THSD4: variants seen among roughly 807,000 people sequenced by gnomAD.
The protein encoded by THSD4 is thrombospondin type-1 domain-containing protein 4.
THSD4 carries 69 observed loss-of-function variants against 119.0 expected under a neutral mutation model. The observed-to-expected ratio is 0.58, with a 90% confidence interval of 0.48 to 0.71. The LOEUF (loss-of-function observed/expected upper bound fraction) is 0.71. THSD4 is among the 30% of genes least tolerant of loss of function. The pLI, the probability that THSD4 is intolerant of heterozygous loss-of-function variation, is 0.00. For synonymous variants in THSD4, 524 were observed against 540.4 expected (o/e 0.97, Z 0.42); for missense variants, 1,393 against 1,391.1 (o/e 1.00, Z -0.02).
intron 7 of THSD4, among the ~76,000 whole-genome samples, chr15:71,601,028 T>G (rs2050000727): frequency 6.6e-6 from 1 of 152,214 alleles, no homozygotes; most frequent in South Asian, 2.1e-4. Context: ...ATTACAGGCA[T>G]GAGCCACTGT....
At chr15:71,280,455 T>C (rs376424225) in intron 6 of THSD4, among the ~76,000 whole-genome samples, 2 of 152,316 alleles carry the variant, frequency 1.3e-5, no homozygotes, top group East Asian at 1.9e-4. Context: ...AAATAAATAA[T>C]TTGAAAATTT....
chr15:71,468,140 C>T lies in THSD4; in HGVS notation c.1152+56317C>T, dbSNP rs549073369. 3.7e-4 allele frequency among the ~76,000 whole-genome samples: 56 copies of T among 152,332 alleles called. 2 individuals are homozygous for T. The highest frequency in any genetic ancestry group is 1.0e-3 in the African/African-American group (42 of 41,582). On this transcript the variant is annotated intron_variant, in intron 7 of 17. Transcript: ENST00000261862. ...CTGGGATTACAGGCATGAGCCACTGCGCCCAGCCAATCTGATGGTTTTATA... is the reference window on the plus strand; with the variant it reads ...CTGGGATTACAGGCATGAGCCACTGTGCCCAGCCAATCTGATGGTTTTATA...
chr15:71,154,061 C>T (rs2040752725), intron 2 of THSD4, among the ~76,000 whole-genome samples: 1 of 152,170 alleles, frequency 6.6e-6, no homozygotes, highest in African/African-American at 2.4e-5. Flanking sequence ...TCTTAACTTA[C>T]TAACCATGCC....
At chr15:71,746,394 C>A (rs2053337592) in intron 12 of THSD4, among the ~76,000 whole-genome samples, 1 of 151,986 alleles carries the variant, frequency 6.6e-6, no homozygotes, top group South Asian at 2.1e-4. Context: ...TTTTCTTTTT[C>A]TTTTTCTTTT....
chr15:71,713,385 G>A (rs1402691459), intron 8 of THSD4, among the ~76,000 whole-genome samples: 1 of 152,168 alleles, frequency 6.6e-6, no homozygotes, highest in Non-Finnish European at 1.5e-5. Flanking sequence ...GTTGTATGGA[G>A]GTCACTGTGC....
At chr15:71,663,280 T>C (rs1056635426) in intron 8 of THSD4, among the ~76,000 whole-genome samples, 5 of 150,760 alleles carry the variant, frequency 3.3e-5, no homozygotes, top group African/African-American at 1.2e-4. Context: ...AAAAAGTCAA[T>C]GGAGAGGTGA....
At chr15:71,203,230 G>A (rs139715971) in intron 3 of THSD4, among the ~76,000 whole-genome samples, 10 of 152,298 alleles carry the variant, frequency 6.6e-5, no homozygotes, top group Non-Finnish European at 1.2e-4. Context: ...GGAAAGGAAG[G>A]CTGAGGCCAG....
At chr15:71,558,837 T>C (rs1252713469) in intron 7 of THSD4, among the ~76,000 whole-genome samples, 4 of 152,180 alleles carry the variant, frequency 2.6e-5, no homozygotes, top group African/African-American at 9.7e-5. Flanking sequence ...TATTTAATTA[T>C]ATTTTTAAGT....
At chr15:71,348,932 T>G (rs1402715968) in intron 6 of THSD4, among the ~76,000 whole-genome samples, 2 of 152,250 alleles carry the variant, frequency 1.3e-5, no homozygotes, top group African/African-American at 4.8e-5. Context: ...ATTTTTGTTA[T>G]GAAATCTACT....
chr15:71,505,869 A>G (rs1239336234), intron 7 of THSD4, among the ~76,000 whole-genome samples: 3 of 152,260 alleles, frequency 2.0e-5, no homozygotes, highest in Non-Finnish European at 2.9e-5. Flanking sequence ...TTCTCTTTGT[A>G]TAAGCAGAAG....
Position 71,421,339 on chromosome 15 carries a change from TTGTAGGATAGGG to T in THSD4, c.1152+9517_1152+9528del, listed in dbSNP as rs1403120645. ...CTCTTTCTACTCCCTTTAGTATTTC[TTGTAGGATAGGG>T]CTTGTGTTGATAAAATCCCTTAGCT... On this transcript the variant is annotated intron_variant, in intron 7 of 17. Coordinates refer to ENST00000261862, the MANE Select transcript of THSD4 (RefSeq NM_024817.3). Among the ~76,000 whole-genome samples, 182 of 45,724 alleles carry T rather than the reference TTGTAGGATAGGG, an allele frequency of 4.0e-3. 1 individual carries two copies. In the Admixed American group the frequency reaches 0.047, roughly 12 times the overall value. 30.0% of individuals were successfully genotyped at this position (45,724 alleles called of 152,430 possible). A position where few individuals can be genotyped will look rare whatever the true frequency, so the allele number is the denominator to read the frequency against.
At chr15:71,434,281 G>T (rs934608784) in intron 7 of THSD4, among the ~76,000 whole-genome samples, 1 of 151,972 alleles carries the variant, frequency 6.6e-6, no homozygotes, top group Non-Finnish European at 1.5e-5. Context: ...TGTAAACATA[G>T]CATGTAACAC....
At chr15:71,112,662 G>C (rs575495546), upstream of THSD4, among the ~76,000 whole-genome samples, 4 of 152,318 alleles carry the variant, frequency 2.6e-5, no homozygotes, top group South Asian at 2.1e-4. Flanking sequence ...GCACAGGCTA[G>C]CCTTTGACTG....
intron 6 of THSD4, among the ~76,000 whole-genome samples, chr15:71,320,130 A>G (rs747101461): frequency 5.9e-5 from 9 of 152,204 alleles, no homozygotes; most frequent in Non-Finnish European, 1.0e-4. Context: ...GTGAACTTCT[A>G]GTTCCCGAAG....
intron 4 of THSD4, among the ~76,000 whole-genome samples, chr15:71,216,901 A>G (rs1485792166): frequency 6.6e-6 from 1 of 152,168 alleles, no homozygotes; most frequent in East Asian, 1.9e-4. Context: ...GGTTCAAGCT[A>G]TTCTCATGCC....
intron 5 of THSD4, among the ~76,000 whole-genome samples, chr15:71,243,734 A>G (rs2044174327): frequency 6.6e-6 from 1 of 151,296 alleles, no homozygotes; most frequent in Admixed American, 6.6e-5. Context: ...CATTTACATA[A>G]TATCTACCAT....
At chr15:71,169,675 C>A (rs578258958) in intron 3 of THSD4, among the ~76,000 whole-genome samples, 1 of 152,286 alleles carries the variant, frequency 6.6e-6, no homozygotes, top group African/African-American at 2.4e-5. Flanking sequence ...CAAAAATACC[C>A]AGATAACATA....
intron 6 of THSD4, among the ~76,000 whole-genome samples, chr15:71,302,069 A>G (rs975439658): frequency 6.6e-6 from 1 of 152,204 alleles, no homozygotes; most frequent in Non-Finnish European, 1.5e-5. Flanking sequence ...ATCTATTTCT[A>G]GAGACTGAGG....
intron 15 of THSD4, among the ~76,000 whole-genome samples, chr15:71,761,319 A>G (rs2053624761): frequency 6.6e-6 from 1 of 152,176 alleles, no homozygotes; most frequent in African/African-American, 2.4e-5. Context: ...ATCAGTGACC[A>G]CATCCTCTCC....
Sources: allele counts gnomAD v4.1 joint callset (sites outside exome capture counted in the v4.1 genomes callset), GRCh38; gene constraint gnomAD v4.1.1; transcripts MANE v1.5; gene names NCBI Gene and HGNC (gene_info 2026-07-23, HGNC 2026-07-21).